The following NEXMIF variants were observed in gnomAD, a reference collection of about 807,000 sequenced individuals.
The protein encoded by NEXMIF is neurite extension and migration factor.
Under a neutral mutation model 62.1 loss-of-function variants are expected in NEXMIF, and 8 were observed. The ratio of observed to expected loss-of-function variants is 0.13; its 90% confidence interval spans 0.08 to 0.23. NEXMIF has a LOEUF of 0.23. NEXMIF is among the 10% of genes least tolerant of loss of function. The pLI is 1.00. For synonymous variants in NEXMIF, 404 were observed against 416.6 expected, an observed-to-expected ratio of 0.97 and a Z score of 0.37; for missense variants, 976 against 1,113.3, an observed-to-expected ratio of 0.88 and a Z score of 1.75.
chrX:74,749,448 C>A (rs2080135086), intron 1 of NEXMIF, among the ~76,000 whole-genome samples: 1 of 111,099 alleles, frequency 9.0e-6, no homozygotes. Context: ...TCAATCCTCA[C>A]CTTCTCCAGT....
At chrX:74,839,135 G>C (rs2080466293) in intron 1 of NEXMIF, among the ~76,000 whole-genome samples, 1 of 111,718 alleles carries the variant, frequency 9.0e-6, no homozygotes, top group Admixed American at 9.5e-5. Context: ...GTACCACTTA[G>C]AACAGTTAAT....
chrX:74,789,693 T>A (rs1436527423), intron 1 of NEXMIF, among the ~76,000 whole-genome samples: 2 of 110,585 alleles, frequency 1.8e-5, no homozygotes, highest in Admixed American at 9.7e-5. Flanking sequence ...GGTATCTCAT[T>A]GTGGTTTTGA....
intron 1 of NEXMIF, among the ~76,000 whole-genome samples, chrX:74,883,946 T>C (rs1479676079): frequency 1.8e-5 from 2 of 112,333 alleles, no homozygotes; most frequent in Non-Finnish European, 3.8e-5. Flanking sequence ...ACAGCGGATC[T>C]CTCTGCAGAA....
At chrX:74,809,848 T>C (rs1464483079) in intron 1 of NEXMIF, among the ~76,000 whole-genome samples, 1 of 111,669 alleles carries the variant, frequency 9.0e-6, no homozygotes, top group East Asian at 2.8e-4. Flanking sequence ...TACTCATTAT[T>C]TGGCTGAATA....
rs752343454 is a variant in NEXMIF at position 74,821,880 on chromosome X, G to T, written c.-47-76183C>A. On this transcript the variant is annotated intron_variant, in intron 1 of 3. Coordinates refer to ENST00000055682, the MANE Select transcript of NEXMIF (RefSeq NM_001008537.3). ...TCCTCCCACCTCAGGCTACCAAGTA[G>T]CTGGGACTACAGGCATGCACCACCA... is the stretch of plus-strand genomic sequence containing the variant. Among the ~76,000 whole-genome samples the T allele has an allele frequency of 1.1e-4, 12 of 111,275 alleles. No individual in the cohort carries two copies. The East Asian group carries it at 3.4e-3, about 32-fold the overall frequency.
chrX:74,773,908 CAAAAAAAAAAA>C (rs61514458), intron 1 of NEXMIF, among the ~76,000 whole-genome samples: 3 of 38,081 alleles, frequency 7.9e-5, no homozygotes, highest in African/African-American at 1.1e-4. Flanking sequence ...GACTCCGTCT[CAAAAAAAAAAA>C]AAAAAAAAAA....
intron 1 of NEXMIF, among the ~76,000 whole-genome samples, chrX:74,871,882 CA>C: frequency 9.0e-6 from 1 of 111,464 alleles, no homozygotes; most frequent in East Asian, 2.8e-4. Context: ...ATTGTTGAAA[CA>C]CACATTTTAC....
intron 1 of NEXMIF, among the ~76,000 whole-genome samples, chrX:74,883,190 T>C (rs1216746986): frequency 6.4e-5 from 7 of 110,141 alleles, no homozygotes; most frequent in Non-Finnish European, 1.3e-4. Context: ...ACCACAAAGA[T>C]AGGGAAAAAA....
At chrX:74,854,296 C>T (rs73499076) in intron 1 of NEXMIF, among the ~76,000 whole-genome samples, 2,087 of 112,072 alleles carry the variant, frequency 0.019, 65 homozygotes, top group African/African-American at 0.065. Context: ...AAACACAATA[C>T]ATCAAATCAA....
intron 1 of NEXMIF, among the ~76,000 whole-genome samples, chrX:74,858,747 G>A (rs754008457): frequency 9.0e-6 from 1 of 110,524 alleles, no homozygotes; most frequent in Non-Finnish European, 1.9e-5. Context: ...CAAAATAGCT[G>A]TTTTGAGGAA....
At chrX:74,832,343 T>C (rs1437723914) in intron 1 of NEXMIF, among the ~76,000 whole-genome samples, 3 of 111,803 alleles carry the variant, frequency 2.7e-5, no homozygotes, top group African/African-American at 9.7e-5. Flanking sequence ...GTTGTATGTG[T>C]CTCAAAATTT....
At chrX:74,878,977 C>A (rs973966753) in intron 1 of NEXMIF, among the ~76,000 whole-genome samples, 1 of 112,616 alleles carries the variant, frequency 8.9e-6, no homozygotes, top group Non-Finnish European at 1.9e-5. Flanking sequence ...GAGCTGTAGA[C>A]CGCAGCTGTT....
intron 1 of NEXMIF, among the ~76,000 whole-genome samples, chrX:74,866,741 T>C (rs769290632): frequency 2.7e-5 from 3 of 112,797 alleles, no homozygotes; most frequent in African/African-American, 9.6e-5. Context: ...GTTGGTTTTA[T>C]ATAGGGCAGT....
chrX:74,739,281 T>C lies in NEXMIF; in HGVS notation c.*124A>G. 2.2e-6 allele frequency: 1 copy of C among 451,967 alleles called. No homozygotes were observed. The highest frequency in any genetic ancestry group is 3.7e-6 in the Non-Finnish European group (1 of 269,805). The allele number at this position is 451,967 out of a possible 1,213,427, so 37.2% of individuals were successfully genotyped here. A position where few individuals can be genotyped will look rare whatever the true frequency, so the allele number is the denominator to read the frequency against. On this transcript the variant is annotated 3_prime_UTR_variant, in exon 4 of 4. Transcript: ENST00000055682. ...TGTATGACTTTTTAAGTCTTTTACA[T>C]AGAACATGAGATTAAAGTTTGCTCC...
In NEXMIF at chrX:74,872,724, C is replaced by T. The variant is rs968192458; in HGVS notation, c.-48+52159G>A. On this transcript the variant is annotated intron_variant, in intron 1 of 3. Coordinates refer to ENST00000055682, the MANE Select transcript of NEXMIF (RefSeq NM_001008537.3). ...GATAAATGCTTGAGGTGATGGCTAG[C>T]CCATATACCCTGATGTGGTTATTAC... Among the ~76,000 whole-genome samples the T allele has an allele frequency of 9.6e-4, 105 of 109,242 alleles. 1 individual carries two copies. Among genetic ancestry groups the T allele is most frequent in the Non-Finnish European group, 3.6e-4 (19 of 52,478 alleles). 94.9% of individuals were successfully genotyped at this position (109,242 alleles called of 115,157 possible).
At chrX:74,845,954 T>C (rs1204201209) in intron 1 of NEXMIF, among the ~76,000 whole-genome samples, 2 of 112,272 alleles carry the variant, frequency 1.8e-5, no homozygotes, top group Non-Finnish European at 3.8e-5. Flanking sequence ...AAGAAGATTC[T>C]TTATCAGCAG....
intron 1 of NEXMIF, among the ~76,000 whole-genome samples, chrX:74,788,018 T>A (rs938319727): frequency 5.2e-4 from 58 of 111,820 alleles, no homozygotes; most frequent in African/African-American, 1.9e-3. Context: ...CAATCATGAG[T>A]ACCAGTTGGA....
intron 1 of NEXMIF, among the ~76,000 whole-genome samples, chrX:74,888,091 A>C (rs2080703367): frequency 9.1e-6 from 1 of 110,083 alleles, no homozygotes; most frequent in Non-Finnish European, 1.9e-5. Context: ...CTGAAGAATG[A>C]GAACACATGG....
chrX:74,750,726 G>A (rs1157706454), intron 1 of NEXMIF, among the ~76,000 whole-genome samples: 2 of 111,179 alleles, frequency 1.8e-5, no homozygotes, highest in Admixed American at 1.9e-4. Flanking sequence ...ATATCTATCA[G>A]GATTTTAAGA....
Sources: gnomAD v4.1 joint callset for allele counts (sites outside exome capture counted in the v4.1 genomes callset) on GRCh38, gnomAD v4.1.1 for gene constraint, MANE v1.5 for transcripts, NCBI Gene and HGNC (gene_info 2026-07-23, HGNC 2026-07-21) for gene names.